Variants in TCF20 observed in about 807,000 individuals in gnomAD.
TCF20 encodes the protein SPRE-binding protein.
A neutral mutation model predicts 148.6 loss-of-function variants in TCF20; 3 were observed. That is an observed-to-expected ratio of 0.02 (90% CI 0.01 to 0.05). The LOEUF (loss-of-function observed/expected upper bound fraction) is 0.05, where lower values mean the gene tolerates loss of function less well. TCF20 is among the 10% of genes least tolerant of loss of function. The probability of loss-of-function intolerance (pLI) is 1.00; values close to 1 mark genes in which losing one functional copy is unlikely to be tolerated. For missense variants in TCF20, 2,350 were observed against 2,429.3 expected (o/e 0.97, Z 0.69); for synonymous variants, 1,049 against 909.5 (o/e 1.15, Z -2.76).
intron 1 of TCF20, among the ~76,000 whole-genome samples, chr22:42,330,300 G>A (rs1927949847): frequency 6.6e-6 from 1 of 152,194 alleles, no homozygotes; most frequent in Non-Finnish European, 1.5e-5. Context: ...TGAACTTGCT[G>A]AGCACAGGGC....
Position 42,214,310 on chromosome 22 carries a change from A to G in TCF20, c.996T>C (p.Thr332=), listed in dbSNP as rs748757155. 6 of 1,614,124 alleles carry G rather than the reference A, an allele frequency of 3.7e-6. No homozygotes were observed. In the East Asian group the frequency reaches 1.1e-4, roughly 30 times the overall value. ...QHPSQHVMQY[T]NAATKLPLQS... is the part of the protein sequence containing the mutation. ...GCAGGGGCAGCTTGGTGGCAGCGTT[A>G]GTATACTGCATCACATGCTGAGAAG... The change falls in exon 2 of 6, where the codon ACT becomes ACC. Residue 332 remains threonine (T), a synonymous_variant. Coordinates refer to ENST00000677622, the MANE Select transcript of TCF20 (RefSeq NM_001378418.1).
chr22:42,311,176 C>T (rs1927529492), intron 1 of TCF20, among the ~76,000 whole-genome samples: 1 of 152,228 alleles, frequency 6.6e-6, no homozygotes, highest in African/African-American at 2.4e-5. Flanking sequence ...ACCTGCACGC[C>T]AGCCCTCCCA....
At chr22:42,176,307 G>T (rs1936446932) in intron 3 of TCF20, among the ~76,000 whole-genome samples, 1 of 152,194 alleles carries the variant, frequency 6.6e-6, no homozygotes, top group Non-Finnish European at 1.5e-5. Context: ...GGGCAAGAAG[G>T]ATGTGAAAGG....
chr22:42,261,721 T>C (rs985529890), intron 1 of TCF20, among the ~76,000 whole-genome samples: 22 of 152,076 alleles, frequency 1.4e-4, no homozygotes, highest in African/African-American at 5.3e-4. Context: ...AAGTTCCAGA[T>C]GGTGGCTCAC....
At chr22:42,232,222 G>A (rs761814255) in intron 1 of TCF20, among the ~76,000 whole-genome samples, 25 of 152,122 alleles carry the variant, frequency 1.6e-4, no homozygotes, top group South Asian at 4.1e-4. Context: ...AGTAACATGC[G>A]GTACAGGTTT....
chr22:42,288,121 G>A (rs953124522), upstream of TCF20, among the ~76,000 whole-genome samples: 2 of 152,148 alleles, frequency 1.3e-5, no homozygotes, highest in South Asian at 2.1e-4. Flanking sequence ...CTGGCCTGGC[G>A]TGGTGGCTCA....
intron 1 of TCF20, among the ~76,000 whole-genome samples, chr22:42,275,917 C>T (rs566527864): frequency 1.6e-4 from 25 of 152,334 alleles, no homozygotes; most frequent in Non-Finnish European, 2.8e-4. Context: ...AAAGTGGGTA[C>T]TGTTCTCGCC....
intron 1 of TCF20, among the ~76,000 whole-genome samples, chr22:42,261,579 G>T (rs924143377): frequency 1.3e-5 from 2 of 151,992 alleles, no homozygotes; most frequent in Non-Finnish European, 2.9e-5. Flanking sequence ...GACCTTTGTG[G>T]ATGCACTCAG....
At chr22:42,312,841 G>A (rs1927560203) in intron 1 of TCF20, among the ~76,000 whole-genome samples, 1 of 152,084 alleles carries the variant, frequency 6.6e-6, no homozygotes, top group South Asian at 2.1e-4. Context: ...TGAAAGCATG[G>A]GGCCCCAATC....
At chr22:42,325,068 C>T (rs920377363) in intron 1 of TCF20, among the ~76,000 whole-genome samples, 1 of 152,248 alleles carries the variant, frequency 6.6e-6, no homozygotes, top group Admixed American at 6.5e-5. Context: ...ACCGCATGGG[C>T]GGGTGGGAGG....
At chr22:42,181,865 G>C (rs1936792618) in intron 2 of TCF20, among the ~76,000 whole-genome samples, 1 of 151,754 alleles carries the variant, frequency 6.6e-6, no homozygotes, top group South Asian at 2.1e-4. Flanking sequence ...TCCCATCTCA[G>C]CCTCCAAAAG....
At chr22:42,284,068 C>T (rs1274963424), upstream of TCF20, among the ~76,000 whole-genome samples, 2 of 152,174 alleles carry the variant, frequency 1.3e-5, no homozygotes, top group Non-Finnish European at 2.9e-5. Context: ...GACATCACGG[C>T]CCCTGCCGAT....
intron 1 of TCF20, among the ~76,000 whole-genome samples, chr22:42,228,022 T>TAAAA (rs1213603555): frequency 6.6e-6 from 1 of 152,202 alleles, no homozygotes; most frequent in Non-Finnish European, 1.5e-5. Context: ...AAAGGTCTTA[T>TAAAA]AAAAAGTAAG....
chr22:42,193,026 A>G (rs1016885497), intron 2 of TCF20, among the ~76,000 whole-genome samples: 7 of 152,194 alleles, frequency 4.6e-5, no homozygotes, highest in African/African-American at 1.7e-4. Context: ...TCTTATCCTC[A>G]AGAAAGTTTT....
chr22:42,341,090 C>T (rs1354272904), intron 1 of TCF20, among the ~76,000 whole-genome samples: 3 of 152,114 alleles, frequency 2.0e-5, no homozygotes, highest in South Asian at 4.1e-4. Flanking sequence ...GCCGGAGGGA[C>T]GGCCCTGCTA....
Position 42,279,470 on chromosome 22 carries a change from C to T in TCF20, c.-37+4357G>A, listed in dbSNP as rs1926853087. Among the ~76,000 whole-genome samples, 2 of 152,130 alleles carry T rather than the reference C, an allele frequency of 1.3e-5. No individual in the cohort carries two copies. Among genetic ancestry groups the T allele is most frequent in the African/African-American group, 4.8e-5 (2 of 41,416 alleles). ...CCAGTCTGGGCAACAGAGCGACTCC[C>T]TCTCAATAAATAAAATAAAATAAGG... On this transcript the variant is annotated intron_variant, in intron 1 of 5. Coordinates refer to the TCF20 transcript ENST00000359486. The surrounding 1 kb of genome is among the most constrained non-coding windows in gnomAD (Gnocchi z 4.3).
Position 42,161,128 on chromosome 22 carries a change from C to T in TCF20, c.*275G>A, listed in dbSNP as rs1171024135. ...CATCATCCCACCCCTCCCCCCTCCCCCCACATTGTCACTATGGAGATTGTG... is the reference window on the plus strand; with the variant it reads ...CATCATCCCACCCCTCCCCCCTCCCTCCACATTGTCACTATGGAGATTGTG... On this transcript the variant is annotated 3_prime_UTR_variant, in exon 6 of 6. Transcript: ENST00000677622. 1 of 430,324 alleles carries T rather than the reference C, an allele frequency of 2.3e-6. No homozygotes were observed. The highest frequency in any genetic ancestry group is 2.0e-5 in the African/African-American group (1 of 49,502). The allele number at this position is 430,324 out of a possible 1,614,324, so 26.7% of individuals were successfully genotyped here.
rs900785180 is a variant in TCF20 at position 42,334,605 on chromosome 22, G to A, written c.-37+8874C>T. Among the ~76,000 whole-genome samples, 6 of 152,246 alleles carry A rather than the reference G, an allele frequency of 3.9e-5. No individual in the cohort carries two copies. The East Asian group carries it at 5.8e-4, about 15-fold the overall frequency. The stretch of plus-strand genomic sequence containing the variant: ...CAACCGCTCCAGCCCTTACACACTC[G>A]GCACATGCCGAGAACAACAGTGTGG... On this transcript the variant is annotated intron_variant, in intron 1 of 1. Transcript: ENST00000515426.
At chr22:42,174,846 T>G (rs576476108) in intron 3 of TCF20, among the ~76,000 whole-genome samples, 1 of 152,050 alleles carries the variant, frequency 6.6e-6, no homozygotes, top group African/African-American at 2.4e-5. Context: ...CCATCCCGGC[T>G]AACACGGTGA....
Sources: allele counts gnomAD v4.1 joint callset (sites outside exome capture counted in the v4.1 genomes callset), GRCh38; gene constraint gnomAD v4.1.1; non-coding constraint Gnocchi (gnomAD v3.1); transcripts MANE v1.5; gene names NCBI Gene and HGNC (gene_info 2026-07-23, HGNC 2026-07-21).